Variants in MYRIP observed in about 807,000 individuals in gnomAD.
The protein encoded by MYRIP is rab effector MyRIP.
Under a neutral mutation model 98.0 loss-of-function variants are expected in MYRIP, and 49 were observed. The observed-to-expected ratio is 0.50, with a 90% CI of 0.40 to 0.63. MYRIP has a LOEUF of 0.63. Among genes scored for constraint, MYRIP ranks in the 30% least tolerant of loss-of-function variants. The pLI is 0.00. For missense variants in MYRIP, 1,004 were observed against 1,058.2 expected (o/e 0.95, Z 0.71); for synonymous variants, 404 against 409.5 (o/e 0.99, Z 0.16).
intron 1 of MYRIP, among the ~76,000 whole-genome samples, chr3:39,868,520 C>T (rs1261765704): frequency 6.6e-6 from 1 of 152,112 alleles, no homozygotes; most frequent in Non-Finnish European, 1.5e-5. Flanking sequence ...CTCTCCAAAC[C>T]CTTGACATTT....
At chr3:40,212,701 C>A (rs1951997783) in intron 11 of MYRIP, among the ~76,000 whole-genome samples, 1 of 152,070 alleles carries the variant, frequency 6.6e-6, no homozygotes, top group Non-Finnish European at 1.5e-5. Flanking sequence ...GGTTGAGGCT[C>A]ATCACTGGAC....
chr3:40,068,488 T>C (rs1029253145), intron 3 of MYRIP, among the ~76,000 whole-genome samples: 2 of 152,254 alleles, frequency 1.3e-5, no homozygotes, highest in African/African-American at 4.8e-5. Context: ...ACACTAAGGA[T>C]GTATTGTATA....
intron 10 of MYRIP, among the ~76,000 whole-genome samples, chr3:40,191,823 T>C (rs73067669): frequency 0.34 from 51,727 of 152,038 alleles, 9,860 homozygotes; most frequent in East Asian, 0.58. Flanking sequence ...TGGAGACTGT[T>C]GTCCAGAAAC....
chr3:40,006,827 T>C (rs990019902), intron 2 of MYRIP, among the ~76,000 whole-genome samples: 3 of 152,232 alleles, frequency 2.0e-5, no homozygotes, highest in African/African-American at 4.8e-5. Context: ...TGTGTTCCCT[T>C]AAGCAGCTAA....
chr3:39,838,156 A>G (rs1168265283), intron 1 of MYRIP, among the ~76,000 whole-genome samples: 1 of 152,156 alleles, frequency 6.6e-6, no homozygotes, highest in East Asian at 1.9e-4. Context: ...ATCTGCAAAC[A>G]GAGACAATTT....
At chr3:40,068,496 A>G (rs1948165845) in intron 3 of MYRIP, among the ~76,000 whole-genome samples, 1 of 152,240 alleles carries the variant, frequency 6.6e-6, no homozygotes, top group Non-Finnish European at 1.5e-5. Flanking sequence ...GATGTATTGT[A>G]TATAGTTTTC....
intron 2 of MYRIP, among the ~76,000 whole-genome samples, chr3:39,962,959 G>A (rs953071741): frequency 5.3e-5 from 8 of 151,930 alleles, no homozygotes; most frequent in Admixed American, 2.6e-4. Flanking sequence ...CTCATACATC[G>A]GTATTATGAG....
At chr3:39,942,910 A>G (rs13316930) in intron 2 of MYRIP, among the ~76,000 whole-genome samples, 28,974 of 152,112 alleles carry the variant, frequency 0.19, 4,024 homozygotes, top group African/African-American at 0.39. Context: ...GAGTGCATGC[A>G]ACATTTATTT....
chr3:40,160,415 T>G (rs1950358264), intron 4 of MYRIP, among the ~76,000 whole-genome samples: 1 of 152,228 alleles, frequency 6.6e-6, no homozygotes, highest in South Asian at 2.1e-4. Context: ...GACAGGGACA[T>G]TTAAGTCTGC....
intron 8 of MYRIP, among the ~76,000 whole-genome samples, chr3:40,172,127 C>T (rs1030147782): frequency 1.3e-5 from 2 of 152,208 alleles, no homozygotes; most frequent in Non-Finnish European, 2.9e-5. Context: ...ACAGCCAGAC[C>T]ATATCAGTGC....
chr3:40,011,665 C>T (rs1160442284), intron 2 of MYRIP, among the ~76,000 whole-genome samples: 1 of 152,182 alleles, frequency 6.6e-6, no homozygotes, highest in African/African-American at 2.4e-5. Context: ...GTCCTGAATC[C>T]TTTCTCTCTT....
intron 13 of MYRIP, 50 bp downstream of exon 13, chr3:40,244,657 A>T (rs758848615): frequency 6.5e-7 from 1 of 1,531,976 alleles, no homozygotes; most frequent in African/African-American, 1.4e-5. Flanking sequence ...TGAAACAGGG[A>T]GCCCCATGTT....
intron 11 of MYRIP, among the ~76,000 whole-genome samples, chr3:40,220,123 T>A (rs1181386418): frequency 2.0e-5 from 3 of 152,052 alleles, no homozygotes; most frequent in Non-Finnish European, 1.5e-5. Flanking sequence ...TTTGGCTGCA[T>A]AAATGTCTTC....
chr3:39,932,299 A>G (rs1403203627), intron 2 of MYRIP, among the ~76,000 whole-genome samples: 2 of 152,106 alleles, frequency 1.3e-5, no homozygotes, highest in Non-Finnish European at 2.9e-5. Context: ...AAAGAACAGG[A>G]GTTTGGAAGA....
At chr3:40,043,300 G>A (rs377738708) in intron 2 of MYRIP, among the ~76,000 whole-genome samples, 19 of 152,058 alleles carry the variant, frequency 1.2e-4, no homozygotes, top group Middle Eastern at 6.8e-3. Flanking sequence ...CCCCATTTTC[G>A]TAGCAGGAAA....
chr3:40,025,227 G>C (rs187701991), intron 2 of MYRIP, among the ~76,000 whole-genome samples: 1 of 152,232 alleles, frequency 6.6e-6, no homozygotes, highest in African/African-American at 2.4e-5. Context: ...GGATTAAAAT[G>C]GTCCCCTCCA....
rs79199450 is a variant in MYRIP at position 39,826,651 on chromosome 3, C to T, written c.-31+16735C>T. On this transcript the variant is annotated intron_variant, in intron 1 of 16. Coordinates refer to ENST00000302541, the MANE Select transcript of MYRIP (RefSeq NM_015460.4). ...TGGGTGAATAAATATTTATTAGACC[C>T]ATTTGGTCTGGGGTGCAGTTTAAAT... Among the ~76,000 whole-genome samples the T allele has an allele frequency of 7.2e-4, 110 of 152,192 alleles. No homozygotes were observed. In the East Asian group the frequency reaches 0.02, roughly 28 times the overall value.
intron 1 of MYRIP, among the ~76,000 whole-genome samples, chr3:39,847,104 C>A (rs1049947951): frequency 3.9e-5 from 6 of 152,210 alleles, no homozygotes; most frequent in Admixed American, 3.9e-4. Context: ...AATTAATAAT[C>A]ACAGGTCCAT....
chr3:39,975,755 A>G (rs934066106), intron 2 of MYRIP, among the ~76,000 whole-genome samples: 1 of 152,232 alleles, frequency 6.6e-6, no homozygotes, highest in African/African-American at 2.4e-5. Flanking sequence ...CAAAGCTACA[A>G]CCATCTGATC....
Sources: gnomAD v4.1 joint callset for allele counts (sites outside exome capture counted in the v4.1 genomes callset) on GRCh38, gnomAD v4.1.1 for gene constraint, MANE v1.5 for transcripts, NCBI Gene and HGNC (gene_info 2026-07-23, HGNC 2026-07-21) for gene names.